The following PLA2G6 variants were observed in gnomAD, a reference collection of about 807,000 sequenced individuals.
PLA2G6 encodes phospholipase A2 group VI, also known as 85/88 kDa calcium-independent phospholipase A2.
Under a neutral mutation model 83.8 loss-of-function variants are expected in PLA2G6, and 62 were observed. The observed-to-expected ratio is 0.74, with a 90% CI of 0.60 to 0.91. The LOEUF is 0.91. Ranked by LOEUF, PLA2G6 falls within the 40% of genes least tolerant of loss-of-function variation. The pLI, the probability that PLA2G6 is intolerant of heterozygous loss-of-function variation, is 0.00. For synonymous variants in PLA2G6, 417 were observed against 449.8 expected, an observed-to-expected ratio of 0.93 and a Z score of 0.92; for missense variants, 944 against 1,102.0, an observed-to-expected ratio of 0.86 and a Z score of 2.03.
Position 38,132,866 on chromosome 22 carries a change from C to G in PLA2G6, c.1042G>C (p.Glu348Gln). 1 of 1,552,378 alleles carries G rather than the reference C, an allele frequency of 6.4e-7. No individual in the cohort carries two copies. Among genetic ancestry groups the G allele is most frequent in the Non-Finnish European group, 8.7e-7 (1 of 1,149,236 alleles). Residue 348 changes from glutamate (E) to glutamine (Q), a missense_variant, in exon 7 of 17, where the codon GAG becomes CAG. Coordinates refer to ENST00000332509, the MANE Select transcript of PLA2G6 (RefSeq NM_003560.4). The surrounding 1 kb of genome is among the most constrained non-coding windows in gnomAD (Gnocchi z 5.0). ...AGGTGCAGCGGGGTGTTGCCGTGCTCTCCGCGGGCATCCGCGTTGGCCCCG... is the reference window on the plus strand; with the variant it reads ...AGGTGCAGCGGGGTGTTGCCGTGCTGTCCGCGGGCATCCGCGTTGGCCCCG... ...THGANADARG[E>Q]HGNTPLHLAM...
intron 5 of PLA2G6, 24 bp downstream of exon 5, chr22:38,139,958 G>T: frequency 1.3e-6 from 2 of 1,553,362 alleles, no homozygotes; most frequent in South Asian, 2.3e-5. Context: ...CAGGCCAGCA[G>T]ATGGGGAGGG....
chr22:38,160,783 T>G (rs546639100), intron 2 of PLA2G6, among the ~76,000 whole-genome samples: 4 of 151,950 alleles, frequency 2.6e-5, no homozygotes, highest in African/African-American at 9.7e-5. Flanking sequence ...AGGCAGAGCT[T>G]GCAGTAAGCA....
chr22:38,178,723 G>C (rs924154436), intron 1 of PLA2G6, among the ~76,000 whole-genome samples: 1 of 152,238 alleles, frequency 6.6e-6, no homozygotes, highest in Non-Finnish European at 1.5e-5. Context: ...AAAATTAGCT[G>C]GGTGTGGTGG....
intron 2 of PLA2G6, among the ~76,000 whole-genome samples, chr22:38,155,572 T>C (rs1425803811): frequency 6.6e-6 from 1 of 152,206 alleles, no homozygotes; most frequent in Non-Finnish European, 1.5e-5. Context: ...CTTTGCTTGT[T>C]TGTCTGTTTA....
rs371087376 is a variant in PLA2G6 at position 38,148,549 on chromosome 22, G to A, written c.210-2896C>T. The A allele has an allele frequency of 5.6e-5, 40 of 717,254 alleles. No homozygotes were observed. The East Asian group carries it at 1.0e-3, about 18-fold the overall frequency. The allele number at this position is 717,254 out of a possible 1,614,324, so 44.4% of individuals were successfully genotyped here. A position where few individuals can be genotyped will look rare whatever the true frequency, so the allele number is the denominator to read the frequency against. ...TTGCAGTGTTCAGGTGGCTGTTACT[G>A]GAGAGGATGGGCAGACGAGCAGCAC... is the stretch of plus-strand genomic sequence containing the variant. On this transcript the variant is annotated intron_variant, in intron 2 of 16. Coordinates refer to ENST00000332509, the MANE Select transcript of PLA2G6 (RefSeq NM_003560.4).
intron 2 of PLA2G6, among the ~76,000 whole-genome samples, chr22:38,167,053 C>CTTAA: frequency 1.3e-5 from 2 of 151,794 alleles, no homozygotes; most frequent in African/African-American, 4.8e-5. Context: ...ATGGTGAAAC[C>CTTAA]CCATCTCTAC....
intron 3 of PLA2G6, chr22:38,144,011 TG>T (rs1206729927): frequency 1.8e-5 from 3 of 169,526 alleles, no homozygotes; most frequent in Non-Finnish European, 2.6e-5. Flanking sequence ...CACAAAGTGC[TG>T]GGATTACAGG....
intron 1 of PLA2G6, among the ~76,000 whole-genome samples, chr22:38,171,885 C>T (rs8142389): frequency 0.041 from 6,217 of 151,776 alleles, 185 homozygotes; most frequent in Middle Eastern, 0.071. Flanking sequence ...TGGTCTCGAA[C>T]GCCCGGGTTC....
Position 38,120,771 on chromosome 22 carries a change from A to G in PLA2G6, c.1730T>C (p.Val577Ala). ...CGCCAGGGCTTACTTGGGTTTCCTGACGTCCGTCATCTTGGTGTGCTCCCC... is the reference window on the plus strand; with the variant it reads ...CGCCAGGGCTTACTTGGGTTTCCTGGCGTCCGTCATCTTGGTGTGCTCCCC... ...EFGEHTKMTD[V>A]RKPKVMLTGT... Residue 577 changes from valine (V) to alanine (A), a missense_variant, in exon 12 of 17, where the codon GTC becomes GCC. By Grantham distance (64) the Val-to-Ala change is moderately conservative. Transcript: ENST00000332509. The G allele has an allele frequency of 6.2e-7, 1 of 1,613,658 alleles. No homozygotes were observed. The highest frequency in any genetic ancestry group is 8.5e-7 in the Non-Finnish European group (1 of 1,179,998).
At chr22:38,166,185 G>T (rs538215594) in intron 2 of PLA2G6, among the ~76,000 whole-genome samples, 1 of 152,196 alleles carries the variant, frequency 6.6e-6, no homozygotes, top group Non-Finnish European at 1.5e-5. Flanking sequence ...CCATGTGACC[G>T]GGTTCTGGCC....
At chr22:38,142,171 G>A (rs907154724) in intron 4 of PLA2G6, 9 of 138,738 alleles carry the variant, frequency 6.5e-5, no homozygotes, top group Non-Finnish European at 1.1e-4. Flanking sequence ...CTCTAGCCTG[G>A]GAGACATAGG....
intron 13 of PLA2G6, 135 bp downstream of exon 13, chr22:38,115,940 C>A: frequency 6.8e-7 from 1 of 1,467,630 alleles, no homozygotes; most frequent in Middle Eastern, 2.4e-4. Flanking sequence ...CTGTCCTCAG[C>A]CAATAAAGAC....
At position 38,112,060 on chromosome 22, in the gene PLA2G6, G is replaced by C. The variant is rs1419482667; in HGVS notation, c.*101C>G. The C allele has an allele frequency of 2.2e-6, 3 of 1,373,616 alleles. No individual in the cohort carries two copies. Among genetic ancestry groups the C allele is most frequent in the Non-Finnish European group, 3.0e-6 (3 of 988,420 alleles). The allele number at this position is 1,373,616 out of a possible 1,614,324, so 85.1% of individuals were successfully genotyped here. On this transcript the variant is annotated 3_prime_UTR_variant, in exon 17 of 17. Transcript: ENST00000332509. ...CCAGGCCTGGTCTATGGACTCAGAG[G>C]TGCCTGGGCCCAGATCTGCCCGGGA... is the stretch of plus-strand genomic sequence containing the variant.
chr22:38,167,666 G>A (rs978687715), intron 2 of PLA2G6, among the ~76,000 whole-genome samples: 1 of 152,212 alleles, frequency 6.6e-6, no homozygotes, highest in Non-Finnish European at 1.5e-5. Flanking sequence ...ACTGGTGCCT[G>A]CACTGGCCAC....
intron 9 of PLA2G6, chr22:38,127,461 G>A: frequency 2.3e-6 from 3 of 1,329,484 alleles, no homozygotes; most frequent in East Asian, 5.0e-5. Flanking sequence ...GTGACTGCCT[G>A]CAAAATTGAG....
At position 38,145,670 on chromosome 22, in the gene PLA2G6, G is replaced by C. The variant is rs1412214634; in HGVS notation, c.210-17C>G. The C allele has an allele frequency of 6.4e-7, 1 of 1,574,494 alleles. No individual in the cohort carries two copies. The highest frequency in any genetic ancestry group is 8.7e-7 in the Non-Finnish European group (1 of 1,148,072). ...TGGAAGAGTCTGTAGAGCCAGGACA[G>C]AGGAGCAAGACCCGAAATGAGTAAG... On this transcript the variant is annotated splice_polypyrimidine_tract_variant and intron_variant, in intron 2 of 16. Coordinates refer to ENST00000332509, the MANE Select transcript of PLA2G6 (RefSeq NM_003560.4).
At chr22:38,140,227 G>T (rs2088818729) in intron 4 of PLA2G6, 58 bp from the exon 5 acceptor site, 1 of 1,530,702 alleles carries the variant, frequency 6.5e-7, no homozygotes, top group East Asian at 2.2e-5. Context: ...ACGTAAAGAG[G>T]CCGGGCGCAG....
At chr22:38,115,915 G>C in intron 13 of PLA2G6, 160 bp downstream of exon 13, 1 of 1,457,068 alleles carries the variant, frequency 6.9e-7, no homozygotes, top group Non-Finnish European at 9.3e-7. Flanking sequence ...GGGCCTGACA[G>C]CTCCCCCGCA....
intron 1 of PLA2G6, chr22:38,180,545 C>T (rs75485715): frequency 2.0e-5 from 3 of 152,204 alleles, no homozygotes; most frequent in Admixed American, 6.5e-5. Flanking sequence ...AAGAGCCTGA[C>T]TCACAAGAGG....
Sources: gnomAD v4.1 joint callset for allele counts (sites outside exome capture counted in the v4.1 genomes callset) on GRCh38, gnomAD v4.1.1 for gene constraint, Gnocchi (gnomAD v3.1) non-coding constraint, MANE v1.5 for transcripts, NCBI Gene and HGNC (gene_info 2026-07-23, HGNC 2026-07-21) for gene names.